The following SCYL2 variants were observed in gnomAD, a reference collection of about 807,000 sequenced individuals.
The protein encoded by SCYL2 is SCY1-like protein 2.
Under a neutral mutation model 100.4 loss-of-function variants are expected in SCYL2, and 36 were observed. The ratio of observed to expected loss-of-function variants is 0.36; its 90% CI spans 0.27 to 0.47. SCYL2 has a LOEUF of 0.47. Among genes scored for constraint, SCYL2 ranks in the 20% least tolerant of loss-of-function variants. SCYL2 has a pLI of 1.00. For missense variants in SCYL2, 902 were observed against 1,083.9 expected (o/e 0.83, Z 2.36); for synonymous variants, 330 against 359.2 (o/e 0.92, Z 0.92).
At chr12:100,271,480 A>G (rs1236536451) in intron 1 of SCYL2, among the ~76,000 whole-genome samples, 1 of 152,210 alleles carries the variant, frequency 6.6e-6, no homozygotes, top group Admixed American at 6.5e-5. Context: ...AAATGATGAT[A>G]TAAATGGTAT....
At chr12:100,282,140 T>G (rs2096299244) in intron 1 of SCYL2, among the ~76,000 whole-genome samples, 1 of 151,904 alleles carries the variant, frequency 6.6e-6, no homozygotes, top group Non-Finnish European at 1.5e-5. Flanking sequence ...TTCTTGTACC[T>G]TAGTCTCCCT....
rs551106933 is a variant in SCYL2 at position 100,315,294 on chromosome 12, C to T, written c.1096-264C>T. Among the ~76,000 whole-genome samples, 10 of 152,204 alleles carry T rather than the reference C, an allele frequency of 6.6e-5. No homozygotes were observed. In the East Asian group the frequency reaches 1.9e-3, roughly 29 times the overall value. On this transcript the variant is annotated intron_variant, in intron 8 of 17. Transcript: ENST00000360820. ...GAATCAAGAGGAAAAACAAACATAG[C>T]GGTGGAGACTAATTAGGGTAAGTTT...
chr12:100,294,445 C>T (rs2096315319), intron 3 of SCYL2, among the ~76,000 whole-genome samples: 2 of 121,604 alleles, frequency 1.6e-5, no homozygotes, highest in African/African-American at 3.2e-5. Context: ...CCTCACTTCC[C>T]AGTAGGGGCG....
In SCYL2 at chr12:100,314,539, C is replaced by T; in HGVS notation, c.1020C>T (p.Thr340=). The part of the protein sequence containing the change: ...VGAVTLQYFD[T]LFQRDNLQKS... Reference sequence around the variant, plus strand: ...CAGTAACACTGCAATATTTTGATACCTTATTCCAAAGAGATAATCTTCAGA... The same window carrying T: ...CAGTAACACTGCAATATTTTGATACTTTATTCCAAAGAGATAATCTTCAGA... The change falls in exon 8 of 18, where the codon ACC becomes ACT. Residue 340 remains threonine, a synonymous_variant. Transcript: ENST00000360820. The T allele has an allele frequency of 6.3e-7, 1 of 1,594,768 alleles. No homozygotes were observed. The highest frequency in any genetic ancestry group is 8.5e-7 in the Non-Finnish European group (1 of 1,170,932).
intron 9 of SCYL2, 97 bp from the exon 10 acceptor site, chr12:100,317,706 T>C: frequency 1.4e-6 from 2 of 1,439,190 alleles, no homozygotes; most frequent in Non-Finnish European, 1.8e-6. Flanking sequence ...AGTGTCAAAA[T>C]ATATGAGTTA....
chr12:100,341,358 T>C lies in SCYL2; in HGVS notation c.*2186T>C, dbSNP rs1262096240. The C allele has an allele frequency of 6.6e-6, 1 of 152,174 alleles. No individual in the cohort carries two copies. Among genetic ancestry groups the C allele is most frequent in the Admixed American group, 6.5e-5 (1 of 15,286 alleles). 9.4% of individuals were successfully genotyped at this position (152,174 alleles called of 1,614,324 possible). On this transcript the variant is annotated 3_prime_UTR_variant, in exon 18 of 18. Coordinates refer to ENST00000360820, the MANE Select transcript of SCYL2 (RefSeq NM_017988.6). The stretch of plus-strand genomic sequence containing the variant: ...ATTTCACGTACTGAAGACAATTAAG[T>C]CCGTTATGTTTAGAGTAGAAAATGT...
At chr12:100,322,388 A>AG (rs1170381736) in intron 10 of SCYL2, among the ~76,000 whole-genome samples, 1 of 151,188 alleles carries the variant, frequency 6.6e-6, no homozygotes, top group Non-Finnish European at 1.5e-5. Context: ...AAAAAAAAAA[A>AG]AAAAAGAAAA....
intron 17 of SCYL2, among the ~76,000 whole-genome samples, chr12:100,337,803 A>G (rs1478693235): frequency 6.6e-6 from 1 of 152,186 alleles, no homozygotes; most frequent in African/African-American, 2.4e-5. Context: ...TGAAATGATC[A>G]GAATATTATA....
At chr12:100,300,253 A>G (rs1258722781) in intron 4 of SCYL2, among the ~76,000 whole-genome samples, 1 of 152,140 alleles carries the variant, frequency 6.6e-6, no homozygotes, top group Non-Finnish European at 1.5e-5. Context: ...AATTTGCATA[A>G]TTTACAAAGA....
At chr12:100,270,864 C>G (rs1383447841) in intron 1 of SCYL2, among the ~76,000 whole-genome samples, 1 of 151,360 alleles carries the variant, frequency 6.6e-6, no homozygotes, top group African/African-American at 2.4e-5. Context: ...TGTTTCTCCC[C>G]CTGCATTTAG....
chr12:100,296,301 C>T (rs1349560837), intron 3 of SCYL2, among the ~76,000 whole-genome samples: 1 of 152,094 alleles, frequency 6.6e-6, no homozygotes, highest in Non-Finnish European at 1.5e-5. Context: ...ACTGGAATTA[C>T]CCAAAGGAAA....
rs371388513 is a variant in SCYL2, at chr12:100,314,650, T to A, written c.1095+36T>A. On this transcript the variant is annotated intron_variant, in intron 8 of 17. Coordinates refer to ENST00000360820, the MANE Select transcript of SCYL2 (RefSeq NM_017988.6). ...GTTAGTTTCTTATTAATAATCAGGATTTTAGAAGTTAAAGTTTATTTTGAC... is the reference window on the plus strand; with the variant it reads ...GTTAGTTTCTTATTAATAATCAGGAATTTAGAAGTTAAAGTTTATTTTGAC... 5.2e-6 allele frequency: 8 copies of A among 1,548,564 alleles called. No individual in the cohort carries two copies. In the African/African-American group the frequency reaches 1.1e-4, roughly 22 times the overall value.
At chr12:100,318,147 G>T (rs1290936262) in intron 10 of SCYL2, among the ~76,000 whole-genome samples, 2 of 152,060 alleles carry the variant, frequency 1.3e-5, no homozygotes, top group Non-Finnish European at 2.9e-5. Flanking sequence ...ATCAGTCTGT[G>T]TACATAATAC....
chr12:100,294,399 C>T (rs2096315024), intron 3 of SCYL2, among the ~76,000 whole-genome samples: 1 of 123,728 alleles, frequency 8.1e-6, no homozygotes. Flanking sequence ...CCCCCACCTC[C>T]CTCCCGGACG....
intron 10 of SCYL2, among the ~76,000 whole-genome samples, chr12:100,320,638 T>C (rs2096354740): frequency 6.6e-6 from 1 of 152,142 alleles, no homozygotes; most frequent in South Asian, 2.1e-4. Context: ...GCTCTCCCTA[T>C]GTTAGCTAAG....
chr12:100,335,184 G>T (rs1348448363), intron 14 of SCYL2, among the ~76,000 whole-genome samples: 1 of 151,982 alleles, frequency 6.6e-6, no homozygotes, highest in Non-Finnish European at 1.5e-5. Context: ...GTTGGCAAAT[G>T]AACCCTTCCT....
At chr12:100,294,790 G>C (rs1297384063) in intron 3 of SCYL2, among the ~76,000 whole-genome samples, 2 of 136,364 alleles carry the variant, frequency 1.5e-5, no homozygotes, top group South Asian at 2.4e-4. Flanking sequence ...CTGGCCGGGC[G>C]GGGGGCTGAC....
intron 1 of SCYL2, among the ~76,000 whole-genome samples, chr12:100,277,733 A>G (rs963937872): frequency 2.0e-5 from 3 of 152,096 alleles, no homozygotes; most frequent in Non-Finnish European, 2.9e-5. Flanking sequence ...ATTTAAGTCA[A>G]CCATCTTGCT....
intron 3 of SCYL2, among the ~76,000 whole-genome samples, chr12:100,295,664 G>A (rs966220342): frequency 6.6e-6 from 1 of 152,132 alleles, no homozygotes; most frequent in Non-Finnish European, 1.5e-5. Flanking sequence ...GTCCAGCTCC[G>A]GCTGGGCATG....
Sources: allele counts gnomAD v4.1 joint callset (sites outside exome capture counted in the v4.1 genomes callset), GRCh38; gene constraint gnomAD v4.1.1; transcripts MANE v1.5; gene names NCBI Gene and HGNC (gene_info 2026-07-23, HGNC 2026-07-21).